Variants in ABCA6 observed in about 807,000 individuals in gnomAD.
ABCA6 encodes the protein ATP binding cassette subfamily A member 6, also known as ATP-binding cassette sub-family A member 6.
A neutral mutation model predicts 191.2 loss-of-function variants in ABCA6; 164 were observed. The ratio of observed to expected loss-of-function variants is 0.86; its 90% CI spans 0.76 to 0.98. ABCA6 has a LOEUF of 0.98. Ranked by LOEUF, ABCA6 falls within the 50% of genes least tolerant of loss-of-function variation. ABCA6 has a pLI of 0.00. For synonymous variants in ABCA6, 636 were observed against 647.7 expected (o/e 0.98, Z 0.27); for missense variants, 1,958 against 1,894.1 (o/e 1.03, Z -0.63).
Position 69,137,482 on chromosome 17 carries a change from G to C in ABCA6, c.115C>G (p.Leu39Val). 6.2e-7 allele frequency: 1 copy of C among 1,612,968 alleles called. No individual in the cohort carries two copies. The highest frequency in any genetic ancestry group is 1.1e-5 in the South Asian group (1 of 90,868). ...ESLLEWGLSI[L>V]LGLCIALFSS... is the part of the protein sequence containing the mutation. ...AACAGAGCAATACACAGTCCTAGAA[G>C]TATTGAGAGGCCCCATTCCTGTAAT... The change falls in exon 3 of 39, where the codon CTT becomes GTT. Residue 39 changes from leucine (L) to valine (V), a missense_variant. Coordinates refer to ENST00000284425, the MANE Select transcript of ABCA6 (RefSeq NM_080284.3).
intron 11 of ABCA6, among the ~76,000 whole-genome samples, chr17:69,116,856 T>C (rs1340034518): frequency 6.6e-6 from 1 of 152,146 alleles, no homozygotes; most frequent in Admixed American, 6.6e-5. Context: ...ATATTTTTAA[T>C]GTGTTGATGT....
In ABCA6 at chr17:69,101,036, T is replaced by C. The variant is rs537198887; in HGVS notation, c.2875-102A>G. 1.8e-5 allele frequency: 18 copies of C among 988,624 alleles called. No individual in the cohort carries two copies. In the African/African-American group the frequency reaches 2.8e-4, roughly 15 times the overall value. 61.2% of individuals were successfully genotyped at this position (988,624 alleles called of 1,614,324 possible). ...CTAACAGTGCCACATGCTTGTTGTGTGTCCATCTTCAAGTGAACTAAACTT... is the reference window on the plus strand; with the variant it reads ...CTAACAGTGCCACATGCTTGTTGTGCGTCCATCTTCAAGTGAACTAAACTT... On this transcript the variant is annotated intron_variant, in intron 21 of 38. Coordinates refer to ENST00000284425, the MANE Select transcript of ABCA6 (RefSeq NM_080284.3).
At chr17:69,108,003 C>T (rs1276492946) in intron 17 of ABCA6, 191 bp from the exon 18 acceptor site, 1 of 504,322 alleles carries the variant, frequency 2.0e-6, no homozygotes, top group African/African-American at 2.0e-5. Flanking sequence ...AAGACCTCTT[C>T]CTCCATCCTC....
At chr17:69,090,955 A>G (rs2072908432) in intron 26 of ABCA6, among the ~76,000 whole-genome samples, 188 bp downstream of exon 26, 1 of 152,194 alleles carries the variant, frequency 6.6e-6, no homozygotes, top group Admixed American at 6.5e-5. Flanking sequence ...ATGTTTAGTA[A>G]GCTTACAGAG....
intron 25 of ABCA6, 110 bp from the exon 26 acceptor site, chr17:69,091,372 T>C: frequency 8.4e-7 from 1 of 1,187,350 alleles, no homozygotes; most frequent in African/African-American, 1.5e-5. Context: ...TGTTCCCATA[T>C]GCAGATATAC....
rs938256541 is a variant in ABCA6, at chr17:69,105,723, T to C, written c.2574-95A>G. On this transcript the variant is annotated intron_variant, in intron 19 of 38. Transcript: ENST00000284425. ...GTATTTGTTGAGTGCCAAGCCTGCC[T>C]TATGCCAATCATGATTCTAGGTGCT... 1.8e-4 allele frequency: 179 copies of C among 979,958 alleles called. 1 individual carries two copies. The Admixed American group carries it at 4.7e-3, about 26-fold the overall frequency. The allele number at this position is 979,958 out of a possible 1,614,324, so 60.7% of individuals were successfully genotyped here.
At chr17:69,097,390 CAAAAAAA>C (rs11365217) in intron 23 of ABCA6, among the ~76,000 whole-genome samples, 2 of 78,078 alleles carry the variant, frequency 2.6e-5, no homozygotes, top group Admixed American at 1.6e-4. Context: ...GACTCCATCT[CAAAAAAA>C]AAAAAAAAAA....
Position 69,113,686 on chromosome 17 carries a change from C to G in ABCA6, c.1834G>C (p.Ala612Pro), listed in dbSNP as rs201457575. ...LDMQNIQDNL[A>P]KHLSEGQKRK... The stretch of plus-strand genomic sequence containing the variant: ...TTCTGTCCTTCACTTAAATGTTTAG[C>G]AAGGTTATCTTGAATGTTTTGCATG... Residue 612 changes from alanine (A) to proline (P), a missense_variant, in exon 14 of 39, where the codon GCT becomes CCT. Coordinates refer to ENST00000284425, the MANE Select transcript of ABCA6 (RefSeq NM_080284.3). The G allele has an allele frequency of 6.2e-7, 1 of 1,612,750 alleles. No individual in the cohort carries two copies. The highest frequency in any genetic ancestry group is 1.3e-5 in the African/African-American group (1 of 74,828).
chr17:69,134,315 C>A (rs1441918194), intron 5 of ABCA6, among the ~76,000 whole-genome samples: 3 of 151,920 alleles, frequency 2.0e-5, no homozygotes, highest in Admixed American at 2.0e-4. Context: ...AGGGTGGAGC[C>A]CTCATGAATG....
chr17:69,112,421 A>C, intron 15 of ABCA6, 148 bp from the exon 16 acceptor site: 2 of 576,366 alleles, frequency 3.5e-6, no homozygotes, highest in Non-Finnish European at 6.2e-6. Flanking sequence ...TAACATTTGA[A>C]ATACATATTA....
chr17:69,089,690 C>G lies in ABCA6; in HGVS notation c.3529-148G>C, dbSNP rs541825010. ...GCACTAGTGACAAAGTAATTCCCCA[C>G]AGAAAAGAGAACCTCCTACTCAACT... On this transcript the variant is annotated intron_variant, in intron 26 of 38. Coordinates refer to ENST00000284425, the MANE Select transcript of ABCA6 (RefSeq NM_080284.3). 39 of 623,818 alleles carry G rather than the reference C, an allele frequency of 6.3e-5. No homozygotes were observed. In the African/African-American group the frequency reaches 7.2e-4, roughly 12 times the overall value. 38.6% of individuals were successfully genotyped at this position (623,818 alleles called of 1,614,324 possible). A position where few individuals can be genotyped will look rare whatever the true frequency, so the allele number is the denominator to read the frequency against.
Position 69,134,729 on chromosome 17 carries a change from A to G in ABCA6, c.474T>C (p.Asp158=), listed in dbSNP as rs1451631549. The G allele has an allele frequency of 6.2e-7, 1 of 1,612,762 alleles. No individual in the cohort carries two copies. Among genetic ancestry groups the G allele is most frequent in the Non-Finnish European group, 8.5e-7 (1 of 1,179,192 alleles). The change falls in exon 5 of 39, where the codon GAT becomes GAC. Residue 158 remains aspartate (D), a synonymous_variant. Transcript: ENST00000284425. ...WKEDFSAHCW[D]GYGEFSCTLT... ...ATGTACATGAAAACTCACCATATCC[A>G]TCCCAGCAATGAGCTGTAAGCACAA...
chr17:69,078,872 G>A lies in ABCA6; in HGVS notation c.*101C>T, dbSNP rs924040138. ...TTAACTAAATTTACAAAATATACCT[G>A]ATGTTAATTTTAAATGATCTTTAAA... is the stretch of plus-strand genomic sequence containing the variant. On this transcript the variant is annotated 3_prime_UTR_variant, in exon 39 of 39. Transcript: ENST00000284425. 1.4e-5 allele frequency: 9 copies of A among 659,248 alleles called. No individual in the cohort carries two copies. The African/African-American group carries it at 1.7e-4, about 12-fold the overall frequency. 40.8% of individuals were successfully genotyped at this position (659,248 alleles called of 1,614,324 possible).
At chr17:69,109,912 A>G (rs2073387553) in intron 17 of ABCA6, 2 of 152,150 alleles carry the variant, frequency 1.3e-5, no homozygotes, top group African/African-American at 4.8e-5. Context: ...AAAAGGTGAA[A>G]GTTCTCAACA....
chr17:69,105,360 C>T (rs1405322555), intron 20 of ABCA6, 102 bp downstream of exon 20: 1 of 1,129,222 alleles, frequency 8.9e-7, no homozygotes, highest in Non-Finnish European at 1.3e-6. Context: ...AGTTTAAATA[C>T]CCATTTTCTT....
In ABCA6 at chr17:69,136,259, T is replaced by C. The variant is rs2073947309; in HGVS notation, c.302-9A>G. The C allele has an allele frequency of 1.3e-6, 2 of 1,511,408 alleles. No individual in the cohort carries two copies. Among genetic ancestry groups the C allele is most frequent in the Non-Finnish European group, 1.8e-6 (2 of 1,130,532 alleles). The allele number at this position is 1,511,408 out of a possible 1,614,324, so 93.6% of individuals were successfully genotyped here. On this transcript the variant is annotated splice_polypyrimidine_tract_variant and intron_variant, in intron 3 of 38. Coordinates refer to ENST00000284425, the MANE Select transcript of ABCA6 (RefSeq NM_080284.3). Reference sequence around the variant, plus strand: ...CCCAATGACACTTGTTCCTGTGAATTACAAGGTAAAAATAGACATAGAAAA... The same window carrying C: ...CCCAATGACACTTGTTCCTGTGAATCACAAGGTAAAAATAGACATAGAAAA...
At position 69,141,867 on chromosome 17, in the gene ABCA6, TCCAGCA is replaced by T. The variant is rs1428433660; in HGVS notation, c.-174_-169del. 1.3e-5 allele frequency: 2 copies of T among 152,112 alleles called. No individual in the cohort carries two copies. The highest frequency in any genetic ancestry group is 2.9e-5 in the Non-Finnish European group (2 of 68,018). The allele number at this position is 152,112 out of a possible 1,614,324, so 9.4% of individuals were successfully genotyped here. ...ATTTTTTCTTTAAATGGGTGCCTACTCCAGCAGCTCTTACACAGCCTGGTTTCTGAA... is the reference window on the plus strand; with the variant it reads ...ATTTTTTCTTTAAATGGGTGCCTACTGCTCTTACACAGCCTGGTTTCTGAA... On this transcript the variant is annotated 5_prime_UTR_variant, in exon 1 of 39. Coordinates refer to ENST00000284425, the MANE Select transcript of ABCA6 (RefSeq NM_080284.3).
At chr17:69,131,956 C>A (rs973163345) in intron 6 of ABCA6, among the ~76,000 whole-genome samples, 20 of 152,160 alleles carry the variant, frequency 1.3e-4, no homozygotes, top group Non-Finnish European at 2.8e-4. Flanking sequence ...CTAACAGACT[C>A]CATGGGAGGC....
chr17:69,083,180 G>T (rs753588757), intron 35 of ABCA6, 32 bp downstream of exon 35: 8 of 1,568,738 alleles, frequency 5.1e-6, no homozygotes, highest in Admixed American at 2.0e-5. Flanking sequence ...CTCATTTTGA[G>T]CATCAAATGC....
Sources: gnomAD v4.1 joint callset for allele counts (sites outside exome capture counted in the v4.1 genomes callset) on GRCh38, gnomAD v4.1.1 for gene constraint, MANE v1.5 for transcripts, NCBI Gene and HGNC (gene_info 2026-07-23, HGNC 2026-07-21) for gene names.